Variants in RADIL observed in about 807,000 individuals in gnomAD.
The protein encoded by RADIL is ras-associating and dilute domain-containing protein.
In RADIL, 99 loss-of-function variants were observed where a neutral mutation model predicts 97.6. The ratio of observed to expected loss-of-function variants is 1.01; its 90% CI spans 0.86 to 1.20. The LOEUF (loss-of-function observed/expected upper bound fraction) is 1.20, where lower values mean the gene tolerates loss of function less well. Ranked by LOEUF, RADIL falls within the 50% of genes most tolerant of loss-of-function variation. The pLI, the probability that RADIL is intolerant of heterozygous loss-of-function variation, is 0.00. For missense variants in RADIL, 1,765 were observed against 1,498.9 expected, an observed-to-expected ratio of 1.18 and a Z score of -2.93; for synonymous variants, 803 against 691.8, an observed-to-expected ratio of 1.16 and a Z score of -2.52.
rs55709921 is a variant in RADIL at position 4,849,155 on chromosome 7, A to G, written c.536-12550T>C. On this transcript the variant is annotated intron_variant, in intron 2 of 14. Transcript: ENST00000399583. The surrounding 1 kb of genome is among the most constrained non-coding windows in gnomAD (Gnocchi z 5.4). ...TTCTGTCTCAAAAAAAAAAAAAAAA[A>G]GGGAATTAAAAGCCAGAAAGAAAGA... 0.4 allele frequency among the ~76,000 whole-genome samples: 60,267 copies of G among 148,926 alleles called. 12,369 individuals are homozygous for G. The highest frequency in any genetic ancestry group is 0.53 in the South Asian group (2,541 of 4,768).
chr7:4,863,113 G>A (rs546415660), intron 2 of RADIL, among the ~76,000 whole-genome samples: 4 of 151,982 alleles, frequency 2.6e-5, no homozygotes, highest in African/African-American at 7.3e-5. Context: ...CTCTTAAGCC[G>A]TGTGTCTTTC....
rs574625065 is a variant in RADIL at position 4,872,805 on chromosome 7, C to T, written c.535+4800G>A. Among the ~76,000 whole-genome samples, 6 of 152,264 alleles carry T rather than the reference C, an allele frequency of 3.9e-5. 1 individual carries two copies. In the South Asian group the frequency reaches 6.2e-4, roughly 16 times the overall value. ...AAGTGATGAGTGAACCGGCAGGAAG[C>T]GCCTGGCTGACACCTTCCCCACCAG... On this transcript the variant is annotated intron_variant, in intron 2 of 14. Transcript: ENST00000399583. This position sits in a 1 kb window ranked among gnomAD's most constrained non-coding sequence, Gnocchi z 5.8.
chr7:4,860,259 C>G, intron 2 of RADIL: 4 of 1,613,982 alleles, frequency 2.5e-6, no homozygotes, highest in Admixed American at 1.7e-5. Context: ...TCGTTCAAAT[C>G]TGTCAATCTT....
intron 1 of RADIL, among the ~76,000 whole-genome samples, chr7:4,881,457 T>G (rs35521845): frequency 4.2e-5 from 6 of 142,092 alleles, no homozygotes; most frequent in Admixed American, 7.2e-5. Flanking sequence ...CTGGGCATGG[T>G]GGTTCATGCC....
chr7:4,846,391 C>T (rs1012117652), intron 2 of RADIL, among the ~76,000 whole-genome samples: 1 of 151,846 alleles, frequency 6.6e-6, no homozygotes, highest in Admixed American at 6.6e-5. Context: ...GTGAGCCACC[C>T]GCCTCAGCCT....
intron 2 of RADIL, among the ~76,000 whole-genome samples, chr7:4,856,362 G>A (rs559899593): frequency 2.5e-4 from 38 of 152,254 alleles, no homozygotes; most frequent in Middle Eastern, 6.8e-3. Flanking sequence ...CACCCGCCTC[G>A]ACCTCCCAAA....
At chr7:4,804,005 C>A (rs915406991) in intron 10 of RADIL, 7 of 566,912 alleles carry the variant, frequency 1.2e-5, no homozygotes, top group Non-Finnish European at 2.3e-5. Flanking sequence ...GCCTTGTAGC[C>A]AGGAACCCTC....
Position 4,877,984 on chromosome 7 carries a change from G to A in RADIL, c.156C>T (p.Pro52=), listed in dbSNP as rs763500072. The change falls in exon 2 of 15, where the codon CCC becomes CCT. Residue 52 remains proline (P), a synonymous_variant. Coordinates refer to ENST00000399583, the MANE Select transcript of RADIL (RefSeq NM_018059.5). Reference sequence around the variant, plus strand: ...CCGACAGCTGGGTGGAGAGCTCGGCGGGGTCATCGCTGGCGCCCAGGCTGG... The same window carrying A: ...CCGACAGCTGGGTGGAGAGCTCGGCAGGGTCATCGCTGGCGCCCAGGCTGG... ...TFSSLGASDD[P]AELSTQLSAP... 25 of 1,612,082 alleles carry A rather than the reference G, an allele frequency of 1.6e-5. 1 individual carries two copies. Among genetic ancestry groups the A allele is most frequent in the South Asian group, 6.6e-5 (6 of 91,018 alleles).
chr7:4,865,690 T>C, intron 2 of RADIL: 1 of 996,330 alleles, frequency 1.0e-6, no homozygotes, highest in Non-Finnish European at 1.6e-6. Context: ...ACTGCTCAAA[T>C]TGGCAGCATC....
At chr7:4,804,057 C>A in intron 10 of RADIL, 1 of 435,982 alleles carries the variant, frequency 2.3e-6, no homozygotes, top group East Asian at 4.6e-5. Context: ...GTCTCTGCCC[C>A]ACTGGTCTCT....
intron 1 of RADIL, among the ~76,000 whole-genome samples, chr7:4,882,429 G>A (rs1201855923): frequency 6.6e-6 from 1 of 152,208 alleles, no homozygotes; most frequent in East Asian, 1.9e-4. Flanking sequence ...GGTGTGGGGC[G>A]CTGGCTGGTG....
rs1783649831 is a variant in RADIL at position 4,849,169 on chromosome 7, CAGAA to C, written c.536-12568_536-12565del. Among the ~76,000 whole-genome samples, 1 of 150,374 alleles carries C rather than the reference CAGAA, an allele frequency of 6.7e-6. No homozygotes were observed. Among genetic ancestry groups the C allele is most frequent in the African/African-American group, 2.4e-5 (1 of 40,876 alleles). The stretch of plus-strand genomic sequence containing the variant: ...AAAAAAAAAAAAGGGAATTAAAAGC[CAGAA>C]AGAAAGAGTTCACAGTTGAAAGTGG... On this transcript the variant is annotated intron_variant, in intron 2 of 14. Transcript: ENST00000399583. The surrounding 1 kb of genome is among the most constrained non-coding windows in gnomAD (Gnocchi z 5.4).
chr7:4,861,175 T>C, intron 2 of RADIL: 1 of 1,614,260 alleles, frequency 6.2e-7, no homozygotes, highest in South Asian at 1.1e-5. Flanking sequence ...GCACTAGATG[T>C]AAAATTTCAT....
At chr7:4,860,858 G>A in intron 2 of RADIL, 1 of 1,614,022 alleles carries the variant, frequency 6.2e-7, no homozygotes, top group Non-Finnish European at 8.5e-7. Context: ...GTATGCTGGT[G>A]TGATGATAGG....
At chr7:4,826,868 A>G (rs1165329445) in intron 5 of RADIL, among the ~76,000 whole-genome samples, 4 of 152,230 alleles carry the variant, frequency 2.6e-5, no homozygotes, top group Admixed American at 2.6e-4. Flanking sequence ...AACCTAAATA[A>G]TTCGACTTGC....
chr7:4,838,739 G>A (rs1298696362), intron 2 of RADIL, among the ~76,000 whole-genome samples: 1 of 152,208 alleles, frequency 6.6e-6, no homozygotes, highest in Admixed American at 6.5e-5. Context: ...TCTGGGCGGT[G>A]GGGCTGTCCC....
intron 9 of RADIL, chr7:4,809,589 T>G (rs1782478144): frequency 3.0e-6 from 3 of 985,370 alleles, no homozygotes; most frequent in Non-Finnish European, 3.6e-6. Context: ...CTTCCAGCCC[T>G]GCAGACACGC....
chr7:4,857,517 T>C (rs1349792001), intron 2 of RADIL, among the ~76,000 whole-genome samples: 1 of 152,216 alleles, frequency 6.6e-6, no homozygotes, highest in Admixed American at 6.5e-5. Context: ...TCCCCCTTTC[T>C]TTCCTGCCTT....
chr7:4,845,279 T>G (rs1783540510), intron 2 of RADIL, among the ~76,000 whole-genome samples: 1 of 152,048 alleles, frequency 6.6e-6, no homozygotes. Context: ...ATGAACCAGA[T>G]GTGGTGGGAC....
Sources: allele counts gnomAD v4.1 joint callset (sites outside exome capture counted in the v4.1 genomes callset), GRCh38; gene constraint gnomAD v4.1.1; non-coding constraint Gnocchi (gnomAD v3.1); transcripts MANE v1.5; gene names NCBI Gene and HGNC (gene_info 2026-07-23, HGNC 2026-07-21).